Variants in VPS36 observed in about 807,000 individuals in gnomAD.
The protein encoded by VPS36 is vacuolar protein-sorting-associated protein 36.
In VPS36, 31 loss-of-function variants were observed where a neutral mutation model predicts 63.5. That is an observed-to-expected ratio of 0.49 (90% confidence interval 0.37 to 0.66). VPS36 has a LOEUF of 0.66. Among genes scored for constraint, VPS36 ranks in the 30% least tolerant of loss-of-function variants. The pLI, the probability that VPS36 is intolerant of heterozygous loss-of-function variation, is 0.00. For missense variants in VPS36, 338 were observed against 463.7 expected (o/e 0.73, Z 2.49); for synonymous variants, 138 against 157.2 (o/e 0.88, Z 0.91).
At chr13:52,438,344 T>C (rs1235677644) in intron 3 of VPS36, among the ~76,000 whole-genome samples, 1 of 152,240 alleles carries the variant, frequency 6.6e-6, no homozygotes, top group Admixed American at 6.5e-5. Context: ...AAACGTTGGT[T>C]AGTTTCTTTT....
At chr13:52,416,152 C>G in intron 12 of VPS36, 59 bp from the exon 13 acceptor site, 2 of 1,534,630 alleles carry the variant, frequency 1.3e-6, no homozygotes, top group East Asian at 4.5e-5. Context: ...AATTTAAACA[C>G]ACTCTGGGTT....
intron 5 of VPS36, among the ~76,000 whole-genome samples, chr13:52,434,065 C>CAG (rs1422638408): frequency 1.3e-5 from 2 of 152,142 alleles, no homozygotes; most frequent in Non-Finnish European, 2.9e-5. Context: ...AATAGGGTCT[C>CAG]AAATGTACAA....
intron 1 of VPS36, among the ~76,000 whole-genome samples, chr13:52,449,317 G>A (rs955944130): frequency 6.6e-6 from 1 of 152,220 alleles, no homozygotes; most frequent in Non-Finnish European, 1.5e-5. Context: ...CCAGCCTGGC[G>A]ATAGAGCGAG....
chr13:52,429,218 G>A (rs915448909), intron 6 of VPS36: 2 of 981,170 alleles, frequency 2.0e-6, no homozygotes, highest in African/African-American at 3.5e-5. Context: ...CTGACTTACA[G>A]CATGATTTCT....
In VPS36 at chr13:52,435,392, GA is replaced by G. The variant is rs148051905; in HGVS notation, c.352-511del. Among the ~76,000 whole-genome samples the G allele has an allele frequency of 1.3e-3, 193 of 143,288 alleles. 1 individual carries two copies. The highest frequency in any genetic ancestry group is 3.9e-3 in the African/African-American group (153 of 39,344). 94.0% of individuals were successfully genotyped at this position (143,288 alleles called of 152,430 possible). A position where few individuals can be genotyped will look rare whatever the true frequency, so the allele number is the denominator to read the frequency against. On this transcript the variant is annotated intron_variant, in intron 4 of 13. Coordinates refer to ENST00000378060, the MANE Select transcript of VPS36 (RefSeq NM_016075.4). ...TGGATCAGCTTCAGAAAGCACAAGGGAAAAAAAAAAAGAGAAGGAACTGACC... is the reference window on the plus strand; with the variant it reads ...TGGATCAGCTTCAGAAAGCACAAGGGAAAAAAAAAAGAGAAGGAACTGACC...
Position 52,429,030 on chromosome 13 carries a change from A to T in VPS36, c.529-1811T>A, listed in dbSNP as rs148749890. Among the ~76,000 whole-genome samples, 424 of 152,332 alleles carry T rather than the reference A, an allele frequency of 2.8e-3. 10 individuals carry two copies. The highest frequency in any genetic ancestry group is 0.025 in the Admixed American group (378 of 15,296). On this transcript the variant is annotated intron_variant, in intron 6 of 13. Transcript: ENST00000378060. ...TTTGGAATTAGTCAACTATCAAAAA[A>T]TGAGTAAAGAAACTACCTACAATAA...
chr13:52,444,511 TA>T (rs1221333924), intron 1 of VPS36, among the ~76,000 whole-genome samples: 6 of 147,430 alleles, frequency 4.1e-5, no homozygotes, highest in African/African-American at 1.5e-4. Context: ...TATATATGTA[TA>T]AAAATATATA....
rs1426413265 is a variant in VPS36, at chr13:52,412,994, T to G, written c.*2836A>C. 6.6e-6 allele frequency: 1 copy of G among 152,656 alleles called. No individual in the cohort carries two copies. Among genetic ancestry groups the G allele is most frequent in the Non-Finnish European group, 1.5e-5 (1 of 68,044 alleles). The allele number at this position is 152,656 out of a possible 1,614,324, so 9.5% of individuals were successfully genotyped here. A position where few individuals can be genotyped will look rare whatever the true frequency, so the allele number is the denominator to read the frequency against. ...TACCTACATATCACTCCACAGGGAT[T>G]TAAACTTTAAGACTACAAAGAGAAA... On this transcript the variant is annotated 3_prime_UTR_variant, in exon 14 of 14. Transcript: ENST00000378060.
chr13:52,446,923 T>G (rs1372461527), intron 1 of VPS36, among the ~76,000 whole-genome samples: 3 of 150,358 alleles, frequency 2.0e-5, no homozygotes, highest in Non-Finnish European at 4.4e-5. Flanking sequence ...TTGCCCAGGC[T>G]GGAGTGCGAT....
In VPS36 at chr13:52,439,128, A is replaced by G. The variant is rs771502892; in HGVS notation, c.206T>C (p.Ile69Thr). ...MAILLSQIVFIEEQAAGIGKS... is the reference protein window; with the variant it reads ...MAILLSQIVFTEEQAAGIGKS... ...CCCAATTCCAGCCGCCTGTTCTTCA[A>G]TGAACACAATTTGGGAAAGGAGAAT... Residue 69 changes from isoleucine to threonine, a missense_variant, in exon 3 of 14, where the codon ATT becomes ACT. Ile to Thr is a moderately conservative substitution (Grantham distance 89, BLOSUM62 -1). Transcript: ENST00000378060. 2.5e-6 allele frequency: 4 copies of G among 1,613,936 alleles called. No individual in the cohort carries two copies. The highest frequency in any genetic ancestry group is 2.2e-5 in the East Asian group (1 of 44,870).
chr13:52,426,207 G>A lies in VPS36; in HGVS notation c.640-141C>T. The A allele has an allele frequency of 2.8e-6, 3 of 1,057,994 alleles. No individual in the cohort carries two copies. The South Asian group carries it at 5.4e-5, about 19-fold the overall frequency. 65.5% of individuals were successfully genotyped at this position (1,057,994 alleles called of 1,614,324 possible). A position where few individuals can be genotyped will look rare whatever the true frequency, so the allele number is the denominator to read the frequency against. On this transcript the variant is annotated intron_variant, in intron 8 of 13. Coordinates refer to ENST00000378060, the MANE Select transcript of VPS36 (RefSeq NM_016075.4). ...GTGTTTCTATGCTGTGAACTATAAGGGAGCAGATTTCCAGGAGTTCCCTGC... is the reference window on the plus strand; with the variant it reads ...GTGTTTCTATGCTGTGAACTATAAGAGAGCAGATTTCCAGGAGTTCCCTGC...
At chr13:52,422,111 C>T (rs1271953545) in intron 10 of VPS36, among the ~76,000 whole-genome samples, 2 of 152,092 alleles carry the variant, frequency 1.3e-5, no homozygotes, top group Non-Finnish European at 2.9e-5. Flanking sequence ...TCTTCTTCCC[C>T]GCTCCCACTT....
At chr13:52,436,256 T>C (rs765265836) in intron 4 of VPS36, 34 bp downstream of exon 4, 2 of 826,458 alleles carry the variant, frequency 2.4e-6, no homozygotes, top group Middle Eastern at 2.8e-4. Flanking sequence ...CACACACACC[T>C]TTCTAGTACG....
intron 9 of VPS36, among the ~76,000 whole-genome samples, chr13:52,424,745 G>C (rs1407905103): frequency 1.3e-5 from 2 of 152,200 alleles, no homozygotes; most frequent in African/African-American, 4.8e-5. Flanking sequence ...CAGCACTTTG[G>C]GAGGCCAAGG....
intron 1 of VPS36, 168 bp downstream of exon 1, chr13:52,450,331 C>G (rs1024743557): frequency 8.5e-7 from 1 of 1,181,308 alleles, no homozygotes; most frequent in African/African-American, 1.6e-5. Flanking sequence ...TACCGACCGG[C>G]GGGGAGCGCA....
At chr13:52,421,748 T>C (rs1323399923) in intron 10 of VPS36, among the ~76,000 whole-genome samples, 1 of 152,070 alleles carries the variant, frequency 6.6e-6, no homozygotes, top group Non-Finnish European at 1.5e-5. Context: ...GGTCTCGAAC[T>C]CCTGACCTCA....
chr13:52,418,966 T>A (rs1238516872), intron 10 of VPS36, among the ~76,000 whole-genome samples: 1 of 152,240 alleles, frequency 6.6e-6, no homozygotes, highest in African/African-American at 2.4e-5. Context: ...GTGGCCTTGC[T>A]CAAGTTATTT....
intron 8 of VPS36, among the ~76,000 whole-genome samples, chr13:52,426,740 A>T (rs1958105012): frequency 1.3e-5 from 2 of 152,186 alleles, no homozygotes; most frequent in African/African-American, 4.8e-5. Context: ...CTGTAGTCCC[A>T]GCTACTCGGG....
chr13:52,432,803 A>G (rs1011141935), intron 6 of VPS36, among the ~76,000 whole-genome samples: 1 of 152,230 alleles, frequency 6.6e-6, no homozygotes, highest in African/African-American at 2.4e-5. Flanking sequence ...TACTATGGGC[A>G]CTTAATAGGT....
Sources: allele counts gnomAD v4.1 joint callset (sites outside exome capture counted in the v4.1 genomes callset), GRCh38; gene constraint gnomAD v4.1.1; transcripts MANE v1.5; gene names NCBI Gene and HGNC (gene_info 2026-07-23, HGNC 2026-07-21).